The following CNTN4 variants were observed in gnomAD, a reference collection of about 807,000 sequenced individuals.
CNTN4 encodes contactin-4.
CNTN4 carries 77 observed loss-of-function variants against 122.5 expected under a neutral mutation model. That is an observed-to-expected ratio of 0.63 (90% confidence interval 0.52 to 0.76). The LOEUF (loss-of-function observed/expected upper bound fraction) is 0.76. Among genes scored for constraint, CNTN4 ranks in the 30% least tolerant of loss-of-function variants. CNTN4 has a pLI of 0.00. For missense variants in CNTN4, 1,256 were observed against 1,259.1 expected (o/e 1.00, Z 0.04); for synonymous variants, 512 against 447.0 (o/e 1.15, Z -1.83).
chr3:2,433,570 G>C (rs908416069), intron 3 of CNTN4, among the ~76,000 whole-genome samples: 2 of 152,066 alleles, frequency 1.3e-5, no homozygotes, highest in Non-Finnish European at 2.9e-5. Context: ...CCCCCAATCT[G>C]TGGTTGTCTC....
At chr3:2,564,444 T>C (rs561796673) in intron 3 of CNTN4, among the ~76,000 whole-genome samples, 2 of 152,274 alleles carry the variant, frequency 1.3e-5, no homozygotes, top group East Asian at 3.9e-4. Context: ...GAAAAATTGT[T>C]ACAAGCCTCA....
At chr3:2,267,515 C>G (rs1293472723) in intron 2 of CNTN4, among the ~76,000 whole-genome samples, 44 of 152,080 alleles carry the variant, frequency 2.9e-4, no homozygotes, top group Admixed American at 2.9e-3. Context: ...GTATTATAAA[C>G]ATGTCATGTC....
rs1020327819 is a variant in CNTN4 at position 2,396,464 on chromosome 3, A to G, written c.-89+57231A>G. On this transcript the variant is annotated intron_variant, in intron 3 of 24. Transcript: ENST00000418658. The stretch of plus-strand genomic sequence containing the variant: ...CTTTTTTGCCCAAAGCAGTCCTCAC[A>G]TTGGCTTTACTACCCCCTCCCCAGC... Among the ~76,000 whole-genome samples the G allele has an allele frequency of 3.4e-4, 52 of 152,074 alleles. 1 individual carries two copies. The highest frequency in any genetic ancestry group is 3.2e-4 in the Non-Finnish European group (22 of 68,006).
chr3:2,463,630 G>T (rs910141652), intron 3 of CNTN4, among the ~76,000 whole-genome samples: 3 of 152,034 alleles, frequency 2.0e-5, no homozygotes, highest in Non-Finnish European at 2.9e-5. Flanking sequence ...GTGGTGGCGA[G>T]CACCTATAAT....
intron 2 of CNTN4, among the ~76,000 whole-genome samples, chr3:2,305,953 A>G (rs890238658): frequency 6.6e-6 from 1 of 152,200 alleles, no homozygotes; most frequent in Non-Finnish European, 1.5e-5. Context: ...ATGTTATAGC[A>G]TGTATCAGTA....
intron 6 of CNTN4, among the ~76,000 whole-genome samples, chr3:2,808,667 G>A (rs2092529646): frequency 6.6e-6 from 1 of 152,188 alleles, no homozygotes; most frequent in African/African-American, 2.4e-5. Flanking sequence ...GCAGGGGTGA[G>A]TGGGCGAGTG....
intron 4 of CNTN4, among the ~76,000 whole-genome samples, chr3:2,699,332 C>G (rs974899675): frequency 7.9e-5 from 12 of 152,088 alleles, no homozygotes; most frequent in Admixed American, 2.0e-4. Context: ...CCTGGCTGTT[C>G]TCCACTCGGT....
chr3:2,903,783 A>C (rs2151159244), intron 12 of CNTN4, among the ~76,000 whole-genome samples: 1 of 152,124 alleles, frequency 6.6e-6, no homozygotes, highest in Admixed American at 6.6e-5. Flanking sequence ...CTTCCACTGC[A>C]TTTTAACCTC....
At chr3:2,114,140 T>C (rs1461431050) in intron 2 of CNTN4, among the ~76,000 whole-genome samples, 1 of 152,006 alleles carries the variant, frequency 6.6e-6, no homozygotes, top group Admixed American at 6.6e-5. Flanking sequence ...AATTTTCAGA[T>C]TGGGTTTGGA....
At chr3:2,142,181 G>T (rs1298198602) in intron 2 of CNTN4, among the ~76,000 whole-genome samples, 1 of 152,102 alleles carries the variant, frequency 6.6e-6, no homozygotes, top group Non-Finnish European at 1.5e-5. Context: ...AACAGTGTGG[G>T]TGCTTATATT....
intron 2 of CNTN4, among the ~76,000 whole-genome samples, chr3:2,230,639 A>T (rs572104870): frequency 5.0e-4 from 76 of 152,314 alleles, no homozygotes; most frequent in African/African-American, 1.6e-3. Context: ...AACACATGTC[A>T]TATACCTGTG....
chr3:2,245,770 A>G (rs2040121344), intron 2 of CNTN4, among the ~76,000 whole-genome samples: 1 of 152,076 alleles, frequency 6.6e-6, no homozygotes, highest in South Asian at 2.1e-4. Flanking sequence ...ACATGTTATG[A>G]AAAATTATAT....
intron 3 of CNTN4, among the ~76,000 whole-genome samples, chr3:2,467,529 T>A (rs2075545745): frequency 1.3e-5 from 2 of 152,198 alleles, no homozygotes; most frequent in African/African-American, 4.8e-5. Flanking sequence ...TATGTTTGTA[T>A]GACAATTGGG....
chr3:2,676,792 C>T (rs2084870457), intron 4 of CNTN4, among the ~76,000 whole-genome samples: 1 of 152,226 alleles, frequency 6.6e-6, no homozygotes, highest in East Asian at 1.9e-4. Context: ...ACTTCAGAAA[C>T]ATATAAAAAG....
rs770630686 is a variant in CNTN4, at chr3:2,682,507, G to A, written c.56-53708G>A. Among the ~76,000 whole-genome samples the A allele has an allele frequency of 1.2e-4, 19 of 152,192 alleles. No individual in the cohort carries two copies. In the South Asian group the frequency reaches 2.1e-3, roughly 17 times the overall value. ...ATGGATTCTTTCTAAGGTAATCCACGTGCATTTAGTTTACAGACCCCCACT... is the reference window on the plus strand; with the variant it reads ...ATGGATTCTTTCTAAGGTAATCCACATGCATTTAGTTTACAGACCCCCACT... On this transcript the variant is annotated intron_variant, in intron 4 of 24. Coordinates refer to ENST00000418658, the MANE Select transcript of CNTN4 (RefSeq NM_175607.3).
Position 2,734,995 on chromosome 3 carries a change from T to A in CNTN4, c.56-1220T>A, listed in dbSNP as rs141468688. Among the ~76,000 whole-genome samples, 376 of 152,290 alleles carry A rather than the reference T, an allele frequency of 2.5e-3. 3 individuals carry two copies. Among genetic ancestry groups the A allele is most frequent in the African/African-American group, 8.5e-3 (354 of 41,550 alleles). On this transcript the variant is annotated intron_variant, in intron 4 of 24. Transcript: ENST00000418658. Reference sequence around the variant, plus strand: ...TACATTAAAAATTGAAAAAAATACTTCAAAGTAAAGCAGATTCTTATTGAT... The same window carrying A: ...TACATTAAAAATTGAAAAAAATACTACAAAGTAAAGCAGATTCTTATTGAT...
chr3:2,389,534 T>C (rs2046371346), intron 3 of CNTN4, among the ~76,000 whole-genome samples: 2 of 152,258 alleles, frequency 1.3e-5, no homozygotes, highest in South Asian at 4.1e-4. Context: ...TACTGCAGTT[T>C]ATCACTTGTT....
At position 3,043,094 on chromosome 3, in the gene CNTN4, G is replaced by A. The variant is rs776230824; in HGVS notation, c.2629G>A (p.Val877Ile). Residue 877 changes from valine (V) to isoleucine (I), a missense_variant, in exon 22 of 25, where the codon GTC becomes ATC. Coordinates refer to ENST00000418658, the MANE Select transcript of CNTN4 (RefSeq NM_175607.3). ...LKGSVLYHLAVKAYNSAGTGP... is the reference protein window; with the variant it reads ...LKGSVLYHLAIKAYNSAGTGP... Reference sequence around the variant, plus strand: ...AGGCAGTGTGCTGTATCACTTAGCTGTCAAGGCATATAATTCTGCTGGGAC... The same window carrying A: ...AGGCAGTGTGCTGTATCACTTAGCTATCAAGGCATATAATTCTGCTGGGAC... The A allele has an allele frequency of 6.8e-6, 11 of 1,614,074 alleles. No homozygotes were observed. The South Asian group carries it at 1.1e-4, about 16-fold the overall frequency.
intron 3 of CNTN4, among the ~76,000 whole-genome samples, chr3:2,437,891 G>A (rs1383740426): frequency 6.6e-6 from 1 of 152,160 alleles, no homozygotes; most frequent in South Asian, 2.1e-4. Context: ...ACCAGTTAAG[G>A]CATACATCTT....
Sources: allele counts gnomAD v4.1 joint callset (sites outside exome capture counted in the v4.1 genomes callset), GRCh38; gene constraint gnomAD v4.1.1; transcripts MANE v1.5; gene names NCBI Gene and HGNC (gene_info 2026-07-23, HGNC 2026-07-21).